Variants in FRYL observed in about 807,000 individuals in gnomAD.
FRYL encodes the protein FRY like transcription coactivator, also known as protein furry homolog-like.
In FRYL, 150 loss-of-function variants were observed where a neutral mutation model predicts 351.2. That is an observed-to-expected ratio of 0.43 (90% CI 0.37 to 0.49). The LOEUF (loss-of-function observed/expected upper bound fraction) is 0.49. Ranked by LOEUF, FRYL falls within the 20% of genes least tolerant of loss-of-function variation. The probability of loss-of-function intolerance (pLI) is 0.00; values close to 1 mark genes in which losing one functional copy is unlikely to be tolerated. For synonymous variants in FRYL, 1,153 were observed against 1,257.1 expected (o/e 0.92, Z 1.75); for missense variants, 3,036 against 3,619.3 (o/e 0.84, Z 4.13).
chr4:48,502,968 T>C, intron 60 of FRYL, 123 bp from the exon 61 acceptor site: 3 of 652,240 alleles, frequency 4.6e-6, no homozygotes, highest in Non-Finnish European at 7.8e-6. Context: ...CATATATTTA[T>C]ACCCCAAAGA....
At chr4:48,583,144 A>G (rs1378923595) in intron 19 of FRYL, among the ~76,000 whole-genome samples, 2 of 151,794 alleles carry the variant, frequency 1.3e-5, no homozygotes, top group Non-Finnish European at 2.9e-5. Context: ...GACACGATTT[A>G]TCTCAATCAT....
At chr4:48,683,789 C>A (rs12509766) in intron 3 of FRYL, among the ~76,000 whole-genome samples, 3,969 of 152,250 alleles carry the variant, frequency 0.026, 67 homozygotes, top group Admixed American at 0.046. Flanking sequence ...GTCTATTCCC[C>A]ACAAACAGAA....
At chr4:48,760,454 G>T (rs1459659977) in intron 1 of FRYL, among the ~76,000 whole-genome samples, 1 of 152,028 alleles carries the variant, frequency 6.6e-6, no homozygotes, top group African/African-American at 2.4e-5. Context: ...TCTTAGGGTT[G>T]TCTATACACA....
At chr4:48,580,723 C>T (rs1578208548) in intron 22 of FRYL, 142 bp downstream of exon 22, 3 of 524,092 alleles carry the variant, frequency 5.7e-6, no homozygotes, top group East Asian at 6.0e-5. Flanking sequence ...TACTCTTAAG[C>T]ATTTTCTACT....
At position 48,531,209 on chromosome 4, in the gene FRYL, C is replaced by T; in HGVS notation, c.6850G>A (p.Val2284Ile). Residue 2284 changes from valine to isoleucine, a missense_variant, in exon 50 of 64, where the codon GTT becomes ATT. Around this residue, in one of 7 missense-constraint regions of FRYL, gnomAD observed 1,987 missense variants for 2,311.7 expected, o/e 0.86. Coordinates refer to ENST00000358350, the MANE Select transcript of FRYL (RefSeq NM_015030.2). ...EISFTKIFNNVSKELPGKTLD... is the reference protein window; with the variant it reads ...EISFTKIFNNISKELPGKTLD... ...GTCTTCCCAGGCAACTCCTTAGAAA[C>T]ATTATTAAAAATTTTAGTGAAGGAT... 2 of 1,612,380 alleles carry T rather than the reference C, an allele frequency of 1.2e-6. No individual in the cohort carries two copies. The highest frequency in any genetic ancestry group is 1.7e-6 in the Non-Finnish European group (2 of 1,178,562).
chr4:48,593,829 G>T, intron 16 of FRYL, 101 bp downstream of exon 16: 1 of 522,604 alleles, frequency 1.9e-6, no homozygotes, highest in South Asian at 3.8e-5. Flanking sequence ...GCTACTATTA[G>T]AAGTAGAGCT....
At chr4:48,666,587 A>C (rs919203755) in intron 3 of FRYL, among the ~76,000 whole-genome samples, 2 of 152,026 alleles carry the variant, frequency 1.3e-5, no homozygotes, top group African/African-American at 4.8e-5. Flanking sequence ...TATTCCTTAA[A>C]CCCCCACTCT....
chr4:48,565,753 C>G (rs190009839), intron 28 of FRYL, 62 bp from the exon 29 acceptor site: 19 of 1,484,306 alleles, frequency 1.3e-5, no homozygotes, highest in Non-Finnish European at 1.6e-5. Flanking sequence ...ACTTTTATAC[C>G]AACATGTTAT....
At chr4:48,691,174 A>G (rs1765642886) in intron 2 of FRYL, among the ~76,000 whole-genome samples, 1 of 152,224 alleles carries the variant, frequency 6.6e-6, no homozygotes, top group Non-Finnish European at 1.5e-5. Flanking sequence ...AACTTGTACC[A>G]AAAGCCTCTA....
intron 1 of FRYL, among the ~76,000 whole-genome samples, chr4:48,763,984 T>C (rs1049712902): frequency 6.6e-6 from 1 of 151,828 alleles, no homozygotes; most frequent in Non-Finnish European, 1.5e-5. Flanking sequence ...GCCTGGCCAA[T>C]GTGGTGAAAC....
intron 3 of FRYL, among the ~76,000 whole-genome samples, chr4:48,667,630 G>A (rs1761958388): frequency 6.6e-6 from 1 of 151,924 alleles, no homozygotes. Flanking sequence ...GTATAATATT[G>A]GACCCTTTCT....
intron 4 of FRYL, among the ~76,000 whole-genome samples, chr4:48,629,087 A>T (rs1267875565): frequency 6.6e-6 from 1 of 150,934 alleles, no homozygotes; most frequent in Non-Finnish European, 1.5e-5. Flanking sequence ...TAATACTATA[A>T]AAAGTTAATA....
chr4:48,532,071 T>C (rs1727780693), intron 49 of FRYL, among the ~76,000 whole-genome samples: 3 of 152,180 alleles, frequency 2.0e-5, no homozygotes, highest in Admixed American at 2.0e-4. Flanking sequence ...CTTTATAATA[T>C]CTTTCTTTTA....
rs36223183 is a variant in FRYL, at chr4:48,645,124, T to TTATATATATATATATATATA, written c.-80-10654_-80-10635dup. On this transcript the variant is annotated intron_variant, in intron 3 of 63. Coordinates refer to ENST00000358350, the MANE Select transcript of FRYL (RefSeq NM_015030.2). ...ATTAAACCAGCAGTGAGCTTTCATT[T>TTATATATATATATATATATA]TATATATATATATATATATATATAT... is the stretch of plus-strand genomic sequence containing the variant. 3.8e-3 allele frequency among the ~76,000 whole-genome samples: 404 copies of TTATATATATATATATATATA among 105,266 alleles called. 8 individuals are homozygous for TTATATATATATATATATATA. The highest frequency in any genetic ancestry group is 5.6e-3 in the Middle Eastern group (1 of 178). The allele number at this position is 105,266 out of a possible 152,430, so 69.1% of individuals were successfully genotyped here.
intron 35 of FRYL, among the ~76,000 whole-genome samples, chr4:48,554,735 T>C (rs1733703192): frequency 6.6e-6 from 1 of 152,208 alleles, no homozygotes; most frequent in African/African-American, 2.4e-5. Flanking sequence ...ATTTTCAGGT[T>C]CGATCTCCTC....
At chr4:48,670,239 G>C (rs1248970372) in intron 3 of FRYL, among the ~76,000 whole-genome samples, 2 of 151,892 alleles carry the variant, frequency 1.3e-5, no homozygotes, top group African/African-American at 4.8e-5. Context: ...TTTGAGATCA[G>C]TCTGGCCAAC....
At chr4:48,500,317 C>T in intron 62 of FRYL, 97 bp from the exon 63 acceptor site, 5 of 651,758 alleles carry the variant, frequency 7.7e-6, no homozygotes, top group Non-Finnish European at 9.8e-6. Context: ...AGCATTGTTG[C>T]TCTTAAAGAT....
chr4:48,761,003 C>CTGTGTGTGTGTGTG lies in FRYL; in HGVS notation c.-384+19074_-384+19075insCACACACACACACA, dbSNP rs202244146. On this transcript the variant is annotated intron_variant, in intron 1 of 63. Transcript: ENST00000358350. ...ACCCTCGCTACTCTCTATTATTACT[C>CTGTGTGTGTGTGTG]TGTCTGTGTGTGTGTGTGTGTGTGT... Among the ~76,000 whole-genome samples the CTGTGTGTGTGTGTG allele has an allele frequency of 1.2e-4, 15 of 121,676 alleles. No individual in the cohort carries two copies. The East Asian group carries it at 1.7e-3, about 13-fold the overall frequency. 79.8% of individuals were successfully genotyped at this position (121,676 alleles called of 152,430 possible). A position where few individuals can be genotyped will look rare whatever the true frequency, so the allele number is the denominator to read the frequency against.
At chr4:48,685,299 A>G (rs1044989968) in intron 2 of FRYL, among the ~76,000 whole-genome samples, 9 of 152,194 alleles carry the variant, frequency 5.9e-5, no homozygotes, top group Non-Finnish European at 8.8e-5. Flanking sequence ...CAATTGTCTC[A>G]TAAGTATCTT....
Sources: gnomAD v4.1 joint callset for allele counts (sites outside exome capture counted in the v4.1 genomes callset) on GRCh38, gnomAD v4.1.1 for gene constraint, gnomAD v4.1.1 regional missense constraint, MANE v1.5 for transcripts, NCBI Gene and HGNC (gene_info 2026-07-23, HGNC 2026-07-21) for gene names.